The following ANO3 variants were observed in gnomAD, a reference collection of about 807,000 sequenced individuals.
ANO3 encodes the protein anoctamin 3.
Under a neutral mutation model 144.8 loss-of-function variants are expected in ANO3, and 99 were observed. The observed-to-expected ratio is 0.68, with a 90% CI of 0.58 to 0.81. The LOEUF (loss-of-function observed/expected upper bound fraction) is 0.81, where lower values mean the gene tolerates loss of function less well. ANO3 is among the 30% of genes least tolerant of loss of function. The probability of loss-of-function intolerance (pLI) is 0.00; values close to 1 mark genes in which losing one functional copy is unlikely to be tolerated. For synonymous variants in ANO3, 414 were observed against 392.6 expected (o/e 1.05, Z -0.64); for missense variants, 905 against 1,202.2 (o/e 0.75, Z 3.66).
chr11:26,660,407 GA>G lies in ANO3; in HGVS notation c.2914del (p.Ser972ValfsTer12). 1 of 1,612,728 alleles carries G rather than the reference GA, an allele frequency of 6.2e-7. No individual in the cohort carries two copies. Among genetic ancestry groups the G allele is most frequent in the South Asian group, 1.1e-5 (1 of 90,738 alleles). ...CTGGAACATTTGCAACAACAACGGA[GA>G]AAAAGTGGTCAGCCTGTTCACCATG... ...AELEHLQQQRRKSGQPVHHEW... is the reference protein window; with the variant it reads ...AELEHLQQQRXKSGQPVHHEW... On this transcript the variant is annotated frameshift_variant, in exon 27 of 27. Coordinates refer to ENST00000256737, the MANE Select transcript of ANO3 (RefSeq NM_031418.4). LOFTEE classifies it high-confidence loss of function.
intron 6 of ANO3, among the ~76,000 whole-genome samples, chr11:26,524,247 A>G (rs1182126135): frequency 6.6e-6 from 1 of 152,220 alleles, no homozygotes; most frequent in Non-Finnish European, 1.5e-5. Flanking sequence ...TATGTTTGAA[A>G]AAAATAGAGA....
At chr11:26,205,758 G>C (rs1480621725) in intron 1 of ANO3, among the ~76,000 whole-genome samples, 2 of 152,136 alleles carry the variant, frequency 1.3e-5, no homozygotes, top group Non-Finnish European at 2.9e-5. Flanking sequence ...AATGGCAGTT[G>C]AATGAAAGCT....
intron 14 of ANO3, among the ~76,000 whole-genome samples, chr11:26,596,477 G>A (rs1427097224): frequency 2.0e-5 from 3 of 152,294 alleles, no homozygotes; most frequent in African/African-American, 7.2e-5. Context: ...AAGGGTGGTG[G>A]GGAACGGGTC....
chr11:26,627,886 G>A (rs1852645281), intron 18 of ANO3, among the ~76,000 whole-genome samples: 1 of 136,328 alleles, frequency 7.3e-6, no homozygotes, highest in South Asian at 2.4e-4. Context: ...TTAATTTTTG[G>A]CTGCGCTAAT....
At chr11:26,408,361 A>G (rs1857343405) in intron 1 of ANO3, among the ~76,000 whole-genome samples, 3 of 151,978 alleles carry the variant, frequency 2.0e-5, no homozygotes, top group South Asian at 4.2e-4. Flanking sequence ...GCAGCCAAAA[A>G]ACACATGAAA....
intron 4 of ANO3, among the ~76,000 whole-genome samples, chr11:26,478,845 G>A (rs1454595341): frequency 6.6e-6 from 1 of 152,136 alleles, no homozygotes; most frequent in African/African-American, 2.4e-5. Context: ...ACTACGTGTA[G>A]TCATCAGGTA....
chr11:26,305,201 C>T (rs1854353294), upstream of ANO3, among the ~76,000 whole-genome samples: 1 of 149,430 alleles, frequency 6.7e-6, no homozygotes, highest in Admixed American at 6.7e-5. Flanking sequence ...AACTTTGGTT[C>T]TAATAAAGAC....
intron 1 of ANO3, among the ~76,000 whole-genome samples, chr11:26,291,890 G>A (rs1232446156): frequency 3.3e-5 from 5 of 151,952 alleles, no homozygotes; most frequent in Admixed American, 2.0e-4. Context: ...ATGTGTCTTG[G>A]GGTTGCTCTT....
rs1045750938 is a variant in ANO3 at position 26,311,476 on chromosome 11, A to C, written c.-3+1757A>C. ...ATATAAAATTCCCATTGACTATGAA[A>C]TTTAGGATTAGAATTGTTAGAAAGC... On this transcript the variant is annotated intron_variant, in intron 1 of 26. Transcript: ENST00000525139. 5.9e-5 allele frequency among the ~76,000 whole-genome samples: 9 copies of C among 152,332 alleles called. No individual in the cohort carries two copies. The South Asian group carries it at 1.7e-3, about 28-fold the overall frequency.
intron 12 of ANO3, among the ~76,000 whole-genome samples, chr11:26,548,186 T>C (rs1849838476): frequency 1.4e-5 from 1 of 70,628 alleles, no homozygotes; most frequent in Admixed American, 1.8e-4. Context: ...ACTTAAGATA[T>C]GGAATGGTAG....
intron 18 of ANO3, among the ~76,000 whole-genome samples, chr11:26,631,972 G>A (rs891581717): frequency 6.6e-6 from 1 of 152,154 alleles, no homozygotes; most frequent in South Asian, 2.1e-4. Context: ...TTGAGGTCAG[G>A]AGTTCAAAAC....
At chr11:26,298,906 A>G (rs980970420) in intron 1 of ANO3, among the ~76,000 whole-genome samples, 1 of 152,220 alleles carries the variant, frequency 6.6e-6, no homozygotes, top group Non-Finnish European at 1.5e-5. Flanking sequence ...AGCCAAGATC[A>G]GAGAGATCAT....
At chr11:26,491,724 C>T (rs553596405) in intron 4 of ANO3, among the ~76,000 whole-genome samples, 11 of 152,284 alleles carry the variant, frequency 7.2e-5, no homozygotes, top group South Asian at 2.1e-4. Context: ...CCTTCCCATA[C>T]GCACAAGGAA....
Position 26,578,223 on chromosome 11 carries a change from A to G in ANO3, c.1447+18444A>G, listed in dbSNP as rs186324654. 5.9e-4 allele frequency among the ~76,000 whole-genome samples: 90 copies of G among 152,338 alleles called. 2 individuals carry two copies. Among genetic ancestry groups the G allele is most frequent in the African/African-American group, 2.0e-3 (83 of 41,588 alleles). ...TCATAGATGTTAGGTAAGTGTCTCC[A>G]GGAGACAGAAGATGACTACCACAAG... On this transcript the variant is annotated intron_variant, in intron 14 of 26. Transcript: ENST00000256737.
At chr11:26,239,430 A>G (rs563541564) in intron 1 of ANO3, among the ~76,000 whole-genome samples, 1 of 152,272 alleles carries the variant, frequency 6.6e-6, no homozygotes, top group East Asian at 1.9e-4. Context: ...AATGCCAAGT[A>G]GTCCCCTGCC....
At chr11:26,637,473 T>C (rs967254151) in intron 20 of ANO3, among the ~76,000 whole-genome samples, 7 of 152,192 alleles carry the variant, frequency 4.6e-5, no homozygotes, top group African/African-American at 1.2e-4. Flanking sequence ...TGTATGGCCT[T>C]GGGCAAGTCA....
At chr11:26,604,853 A>G (rs1030980260) in intron 17 of ANO3, among the ~76,000 whole-genome samples, 3 of 152,204 alleles carry the variant, frequency 2.0e-5, no homozygotes, top group African/African-American at 7.2e-5. Context: ...GAATCATGTC[A>G]TCTGCAAACA....
intron 1 of ANO3, among the ~76,000 whole-genome samples, chr11:26,263,499 A>G (rs1245752950): frequency 6.6e-6 from 1 of 152,150 alleles, no homozygotes; most frequent in Non-Finnish European, 1.5e-5. Flanking sequence ...GCTCCTTCCC[A>G]GTGTTATTCA....
At chr11:26,599,444 G>A in intron 16 of ANO3, 106 bp from the exon 17 acceptor site, 1 of 1,168,396 alleles carries the variant, frequency 8.6e-7, no homozygotes, top group East Asian at 2.4e-5. Flanking sequence ...TCTTGGAAAG[G>A]TAAATACCTT....
Sources: allele counts gnomAD v4.1 joint callset (sites outside exome capture counted in the v4.1 genomes callset), GRCh38; gene constraint gnomAD v4.1.1; transcripts MANE v1.5; gene names NCBI Gene and HGNC (gene_info 2026-07-23, HGNC 2026-07-21).